HIVEP3: variants seen among roughly 807,000 people sequenced by gnomAD.
HIVEP3 encodes HIVEP zinc finger 3, also known as transcription factor HIVEP3.
Under a neutral mutation model 152.8 loss-of-function variants are expected in HIVEP3, and 49 were observed. The ratio of observed to expected loss-of-function variants is 0.32; its 90% CI spans 0.26 to 0.41. HIVEP3 has a LOEUF of 0.41. Ranked by LOEUF, HIVEP3 falls within the 10% of genes least tolerant of loss-of-function variation. The probability of loss-of-function intolerance (pLI) is 1.00; values close to 1 mark genes in which losing one functional copy is unlikely to be tolerated. For synonymous variants in HIVEP3, 1,269 were observed against 1,289.0 expected (o/e 0.98, Z 0.33); for missense variants, 2,790 against 3,103.3 (o/e 0.90, Z 2.40).
chr1:41,671,041 C>T (rs1042229025), intron 2 of HIVEP3, among the ~76,000 whole-genome samples: 1 of 152,186 alleles, frequency 6.6e-6, no homozygotes, highest in Non-Finnish European at 1.5e-5. Context: ...GATTATCATC[C>T]CTTTCTGCTT....
At chr1:41,714,328 GAA>G (rs1447951684) in intron 1 of HIVEP3, among the ~76,000 whole-genome samples, 1 of 152,140 alleles carries the variant, frequency 6.6e-6, no homozygotes, top group Non-Finnish European at 1.5e-5. Context: ...AAGAAGACAG[GAA>G]AAGAGGCAAA....
chr1:41,766,684 A>C (rs923106481), intron 1 of HIVEP3, among the ~76,000 whole-genome samples: 2 of 151,912 alleles, frequency 1.3e-5, no homozygotes, highest in African/African-American at 4.8e-5. Flanking sequence ...TGCATCACCA[A>C]CTCCCTCTCT....
At chr1:41,921,511 A>G (rs1030376278), upstream of HIVEP3, among the ~76,000 whole-genome samples, 1 of 152,154 alleles carries the variant, frequency 6.6e-6, no homozygotes, top group Non-Finnish European at 1.5e-5. Context: ...CACCTCTGCC[A>G]TGATTGTGTG....
chr1:41,600,799 C>G (rs903874932), intron 3 of HIVEP3, among the ~76,000 whole-genome samples: 1 of 152,116 alleles, frequency 6.6e-6, no homozygotes, highest in Non-Finnish European at 1.5e-5. Flanking sequence ...CCTATGTTTT[C>G]TTCTAGAAGT....
intron 1 of HIVEP3, among the ~76,000 whole-genome samples, chr1:41,989,063 T>C (rs72672707): frequency 0.016 from 2,414 of 152,066 alleles, 48 homozygotes; most frequent in African/African-American, 0.051. Flanking sequence ...TAGAGGATAG[T>C]GGGGGATGGG....
chr1:41,711,379 T>C (rs1317642219), intron 1 of HIVEP3, among the ~76,000 whole-genome samples: 1 of 152,200 alleles, frequency 6.6e-6, no homozygotes, highest in Admixed American at 6.5e-5. Flanking sequence ...TGCTGGGCTA[T>C]AGCTTCATGG....
intron 4 of HIVEP3, among the ~76,000 whole-genome samples, chr1:41,576,375 C>T (rs1476909751): frequency 1.3e-5 from 2 of 152,200 alleles, no homozygotes; most frequent in East Asian, 3.8e-4. Flanking sequence ...AGCCACACCT[C>T]AGTGATGAGA....
chr1:41,522,579 C>A (rs1170339618), intron 6 of HIVEP3, among the ~76,000 whole-genome samples: 1 of 152,222 alleles, frequency 6.6e-6, no homozygotes, highest in Admixed American at 6.5e-5. Context: ...GGGCCTACAG[C>A]CCCTCTGTTC....
At chr1:41,943,214 G>C in intron 1 of HIVEP3, among the ~76,000 whole-genome samples, 1 of 151,952 alleles carries the variant, frequency 6.6e-6, no homozygotes, top group East Asian at 1.9e-4. Flanking sequence ...CCACATATTT[G>C]CTTATATTCT....
chr1:41,585,390 G>A (rs1284809249), intron 3 of HIVEP3, 72 bp from the exon 4 acceptor site: 2 of 398,520 alleles, frequency 5.0e-6, no homozygotes, highest in East Asian at 3.6e-5. Context: ...TGGGACTCAT[G>A]CACAGCCTGG....
intron 5 of HIVEP3, among the ~76,000 whole-genome samples, chr1:41,530,106 T>C (rs1643200367): frequency 6.6e-6 from 1 of 152,070 alleles, no homozygotes; most frequent in Admixed American, 6.5e-5. Flanking sequence ...AGGTGGACCC[T>C]GTTTTTTTGT....
intron 1 of HIVEP3, among the ~76,000 whole-genome samples, chr1:41,798,771 A>C (rs567467641): frequency 1.3e-5 from 2 of 152,306 alleles, no homozygotes; most frequent in East Asian, 3.9e-4. Context: ...GAAGAAAAAA[A>C]ATCAGCATTT....
chr1:41,527,561 ACT>A (rs1317608718), intron 5 of HIVEP3, among the ~76,000 whole-genome samples: 19 of 103,250 alleles, frequency 1.8e-4, no homozygotes, highest in Non-Finnish European at 2.9e-4. Context: ...ACACCCTCAC[ACT>A]CTTTCACACT....
intron 2 of HIVEP3, among the ~76,000 whole-genome samples, chr1:41,667,195 A>T (rs1645808644): frequency 6.6e-6 from 1 of 152,170 alleles, no homozygotes; most frequent in African/African-American, 2.4e-5. Context: ...TGCATGACCA[A>T]ATCTTAGCTC....
At position 41,529,359 on chromosome 1, in the gene HIVEP3, ACTCACACGCTCACC is replaced by A. The variant is rs544907896; in HGVS notation, c.5208-4463_5208-4450del. ...CATTCACACATGCTGACACCCCCAC[ACTCACACGCTCACC>A]CTCACATGCTCACCCTCCACACACA... On this transcript the variant is annotated intron_variant, in intron 5 of 8. Transcript: ENST00000372583. 3.5e-3 allele frequency among the ~76,000 whole-genome samples: 316 copies of A among 90,750 alleles called. 1 individual carries two copies. The highest frequency in any genetic ancestry group is 5.1e-3 in the South Asian group (12 of 2,376). 59.5% of individuals were successfully genotyped at this position (90,750 alleles called of 152,430 possible). A position where few individuals can be genotyped will look rare whatever the true frequency, so the allele number is the denominator to read the frequency against.
intron 1 of HIVEP3, among the ~76,000 whole-genome samples, chr1:41,977,858 C>G (rs376136072): frequency 6.6e-6 from 1 of 152,298 alleles, no homozygotes; most frequent in East Asian, 1.9e-4. Context: ...ATACACCTCA[C>G]GTGGATGCTT....
intron 1 of HIVEP3, among the ~76,000 whole-genome samples, chr1:42,034,495 G>A (rs955005801): frequency 6.6e-6 from 1 of 152,114 alleles, no homozygotes; most frequent in South Asian, 2.1e-4. Flanking sequence ...CTACAACGGC[G>A]CCTGATTACA....
At chr1:41,650,825 T>C (rs1645537606) in intron 2 of HIVEP3, among the ~76,000 whole-genome samples, 1 of 152,204 alleles carries the variant, frequency 6.6e-6, no homozygotes, top group African/African-American at 2.4e-5. Flanking sequence ...CTGAATATCC[T>C]CCCACGTTAA....
In HIVEP3 at chr1:41,777,184, T is replaced by C. The variant is rs1648756862; in HGVS notation, c.-800-76189A>G. On this transcript the variant is annotated intron_variant, in intron 1 of 8. Coordinates refer to ENST00000372583, the MANE Select transcript of HIVEP3 (RefSeq NM_024503.5). Reference sequence around the variant, plus strand: ...GGCTCTCCCAGAGGCTCTCCTTGGCTGGCAAGCAGGAAGCTCCAAATGCTG... The same window carrying C: ...GGCTCTCCCAGAGGCTCTCCTTGGCCGGCAAGCAGGAAGCTCCAAATGCTG... 2.0e-5 allele frequency among the ~76,000 whole-genome samples: 3 copies of C among 152,238 alleles called. No homozygotes were observed. The South Asian group carries it at 6.2e-4, about 32-fold the overall frequency.
Sources: gnomAD v4.1 joint callset for allele counts (sites outside exome capture counted in the v4.1 genomes callset) on GRCh38, gnomAD v4.1.1 for gene constraint, MANE v1.5 for transcripts, NCBI Gene and HGNC (gene_info 2026-07-23, HGNC 2026-07-21) for gene names.